Variants in CELF2 observed in about 807,000 individuals in gnomAD.
CELF2 encodes CUG triplet repeat RNA-binding protein 2.
CELF2 carries 8 observed loss-of-function variants against 62.6 expected under a neutral mutation model. The ratio of observed to expected loss-of-function variants is 0.13; its 90% CI spans 0.07 to 0.23. CELF2 has a LOEUF of 0.23. Among genes scored for constraint, CELF2 ranks in the 10% least tolerant of loss-of-function variants. The pLI is 1.00. For synonymous variants in CELF2, 258 were observed against 250.0 expected (o/e 1.03, Z -0.30); for missense variants, 333 against 671.0 (o/e 0.50, Z 5.56).
Position 11,332,064 on chromosome 10 carries a change from A to G in CELF2, c.*3011A>G, listed in dbSNP as rs2096034992. The G allele has an allele frequency of 6.6e-6, 1 of 152,142 alleles. No homozygotes were observed. Among genetic ancestry groups the G allele is most frequent in the Admixed American group, 6.5e-5 (1 of 15,286 alleles). The allele number at this position is 152,142 out of a possible 1,614,324, so 9.4% of individuals were successfully genotyped here. On this transcript the variant is annotated 3_prime_UTR_variant, in exon 13 of 13. Coordinates refer to ENST00000633077, the MANE Select transcript of CELF2 (RefSeq NM_001326342.2). ...GAAAAAATCCTACACTACTTTTACT[A>G]CTTTTGATTATTTCTCATTTTTGGG...
At chr10:10,493,921 T>C in the CELF2 span, among the ~76,000 whole-genome samples, 1 of 152,154 alleles carries the variant, frequency 6.6e-6, no homozygotes, top group Non-Finnish European at 1.5e-5. Flanking sequence ...GCCTAGAAAG[T>C]ACCATTTTGC....
At chr10:11,111,769 G>C (rs148935194) in intron 1 of CELF2, among the ~76,000 whole-genome samples, 1 of 152,204 alleles carries the variant, frequency 6.6e-6, no homozygotes, top group Non-Finnish European at 1.5e-5. Flanking sequence ...TGGATACGCC[G>C]AAACTCAGCG....
intron 1 of CELF2, among the ~76,000 whole-genome samples, chr10:11,085,133 A>G (rs1429483393): frequency 3.3e-5 from 5 of 152,246 alleles, no homozygotes; most frequent in African/African-American, 1.2e-4. Flanking sequence ...ATATTTAATC[A>G]TCATGCTGTT....
At chr10:10,939,277 G>GTTGTTGTTGTTGTTGTTGT (rs1564851300) in intron 2 of CELF2, among the ~76,000 whole-genome samples, 2 of 144,218 alleles carry the variant, frequency 1.4e-5, no homozygotes, top group African/African-American at 5.3e-5. Context: ...TTGTTTTGTG[G>GTTGTTGTTGTTGTTGTTGT]TGTTGTTGTT....
the CELF2 span, among the ~76,000 whole-genome samples, chr10:10,470,164 T>C: frequency 6.6e-6 from 1 of 151,876 alleles, no homozygotes; most frequent in Non-Finnish European, 1.5e-5. Flanking sequence ...TAAGGGATAC[T>C]CAACCTTCAT....
At chr10:10,945,614 G>A (rs1464162030) in intron 2 of CELF2, among the ~76,000 whole-genome samples, 1 of 152,174 alleles carries the variant, frequency 6.6e-6, no homozygotes, top group Non-Finnish European at 1.5e-5. Flanking sequence ...GGCAGTACAG[G>A]GAGCCTGTGA....
Position 11,065,090 on chromosome 10 carries a change from A to C in CELF2, c.74+46927A>C, listed in dbSNP as rs78410454. On this transcript the variant is annotated intron_variant, in intron 1 of 12. Transcript: ENST00000633077. ...AATCAAGCAGTTCAAGCAGTTAAGC[A>C]ATTTATGTATCTTAAGGGTGAGTTT... 7.3e-3 allele frequency among the ~76,000 whole-genome samples: 1,119 copies of C among 152,312 alleles called. 8 individuals carry two copies. The highest frequency in any genetic ancestry group is 0.024 in the African/African-American group (1,018 of 41,562).
At chr10:10,869,436 C>A (rs901059868) in intron 1 of CELF2, among the ~76,000 whole-genome samples, 3 of 152,082 alleles carry the variant, frequency 2.0e-5, no homozygotes, top group Admixed American at 1.3e-4. Context: ...GTGGTGTACG[C>A]CCGTAATCCC....
At chr10:11,033,980 T>G (rs1006311843) in intron 1 of CELF2, among the ~76,000 whole-genome samples, 7 of 152,196 alleles carry the variant, frequency 4.6e-5, no homozygotes, top group Admixed American at 3.9e-4. Flanking sequence ...TGTCTGCCAG[T>G]GAATAAGAGT....
chr10:10,576,540 CACA>C, the CELF2 span, among the ~76,000 whole-genome samples: 14 of 152,182 alleles, frequency 9.2e-5, no homozygotes, highest in South Asian at 2.9e-3. Context: ...CCGATGGTAC[CACA>C]ACAATAACTC....
chr10:11,249,103 T>A, intron 3 of CELF2, 50 bp from the exon 4 acceptor site: 1 of 1,472,156 alleles, frequency 6.8e-7, no homozygotes, highest in Non-Finnish European at 9.5e-7. Flanking sequence ...TCTGAGATGA[T>A]TTTTACAGTT....
intron 1 of CELF2, among the ~76,000 whole-genome samples, chr10:11,035,391 G>A (rs1460094604): frequency 6.6e-6 from 1 of 152,150 alleles, no homozygotes; most frequent in African/African-American, 2.4e-5. Context: ...TGAGGCTTTT[G>A]GGGAAACCTT....
chr10:10,543,377 T>G, the CELF2 span, among the ~76,000 whole-genome samples: 1 of 152,226 alleles, frequency 6.6e-6, no homozygotes, highest in Non-Finnish European at 1.5e-5. Flanking sequence ...CTGGTCAACC[T>G]GCTTGATCCC....
At chr10:10,805,006 G>A (rs2055067146) in intron 1 of CELF2, among the ~76,000 whole-genome samples, 1 of 152,158 alleles carries the variant, frequency 6.6e-6, no homozygotes, top group African/African-American at 2.4e-5. Context: ...TGAGCAGGCT[G>A]GCCATCTGAA....
the CELF2 span, among the ~76,000 whole-genome samples, chr10:10,481,829 T>C: frequency 6.6e-6 from 1 of 152,204 alleles, no homozygotes; most frequent in Admixed American, 6.5e-5. Flanking sequence ...ATTTTCCCTC[T>C]AATAACTCAA....
intron 3 of CELF2, among the ~76,000 whole-genome samples, chr10:11,234,148 T>C (rs748609480): frequency 3.3e-5 from 5 of 152,198 alleles, no homozygotes; most frequent in Admixed American, 2.6e-4. Flanking sequence ...AGGTGAACAT[T>C]GCTTCATTGT....
chr10:10,992,836 G>C (rs1436713704), intron 2 of CELF2, among the ~76,000 whole-genome samples: 1 of 152,160 alleles, frequency 6.6e-6, no homozygotes, highest in Non-Finnish European at 1.5e-5. Context: ...GTCTCTGTAA[G>C]GTTTTTTTCT....
chr10:11,199,877 G>C (rs1333003226), intron 2 of CELF2, among the ~76,000 whole-genome samples: 1 of 152,180 alleles, frequency 6.6e-6, no homozygotes, highest in Non-Finnish European at 1.5e-5. Flanking sequence ...AGGTAACCTG[G>C]AAGTGTCCTA....
intron 2 of CELF2, among the ~76,000 whole-genome samples, chr10:10,976,129 C>G (rs571853747): frequency 6.6e-6 from 1 of 152,282 alleles, no homozygotes; most frequent in East Asian, 1.9e-4. Context: ...TCTAGGGATG[C>G]CTTTTGTCAC....
Sources: gnomAD v4.1 joint callset for allele counts (sites outside exome capture counted in the v4.1 genomes callset) on GRCh38, gnomAD v4.1.1 for gene constraint, MANE v1.5 for transcripts, NCBI Gene and HGNC (gene_info 2026-07-23, HGNC 2026-07-21) for gene names.